The following PPIL4 variants were observed in gnomAD, a reference collection of about 807,000 sequenced individuals.
PPIL4 encodes the protein peptidylprolyl isomerase like 4, also known as peptidyl-prolyl cis-trans isomerase-like 4.
A neutral mutation model predicts 69.1 loss-of-function variants in PPIL4; 50 were observed. The observed-to-expected ratio is 0.72, with a 90% CI of 0.58 to 0.92. The LOEUF (loss-of-function observed/expected upper bound fraction) is 0.92, where lower values mean the gene tolerates loss of function less well. Ranked by LOEUF, PPIL4 falls within the 40% of genes least tolerant of loss-of-function variation. PPIL4 has a pLI of 0.00. For missense variants in PPIL4, 480 were observed against 587.9 expected, an observed-to-expected ratio of 0.82 and a Z score of 1.90; for synonymous variants, 193 against 191.6, an observed-to-expected ratio of 1.01 and a Z score of -0.06.
At chr6:149,521,433 TAG>T (rs914985051) in intron 9 of PPIL4, among the ~76,000 whole-genome samples, 3 of 152,200 alleles carry the variant, frequency 2.0e-5, no homozygotes, top group Non-Finnish European at 4.4e-5. Context: ...GCCAGGATTT[TAG>T]AGAGACAGTC....
intron 10 of PPIL4, among the ~76,000 whole-genome samples, chr6:149,520,396 A>C (rs1253094754): frequency 6.6e-5 from 10 of 152,154 alleles, no homozygotes; most frequent in Non-Finnish European, 1.2e-4. Flanking sequence ...CAACTAAAAC[A>C]AACAAAAAAA....
rs1200919281 is a variant in PPIL4, at chr6:149,513,412, A to AAT, written c.1080-1112_1080-1111dup. Among the ~76,000 whole-genome samples the AAT allele has an allele frequency of 7.9e-3, 439 of 55,288 alleles. 5 individuals carry two copies. Among genetic ancestry groups the AAT allele is most frequent in the African/African-American group, 0.015 (191 of 13,136 alleles). The allele number at this position is 55,288 out of a possible 152,430, so 36.3% of individuals were successfully genotyped here. On this transcript the variant is annotated intron_variant, in intron 11 of 12. Transcript: ENST00000253329. ...AAAAAAAAAAAAAAAAAAAAAAAAA[A>AAT]ATATATATATATATATATATATATA...
chr6:149,521,257 G>A, intron 9 of PPIL4, 86 bp from the exon 10 acceptor site: 1 of 834,000 alleles, frequency 1.2e-6, no homozygotes, highest in Non-Finnish European at 2.0e-6. Context: ...AAAGTTTGTT[G>A]TTACAAAAAT....
chr6:149,527,004 G>A (rs1777117623), intron 7 of PPIL4, among the ~76,000 whole-genome samples: 1 of 152,198 alleles, frequency 6.6e-6, no homozygotes, highest in Non-Finnish European at 1.5e-5. Context: ...TGTGAACAGT[G>A]CTTGGAGCTT....
Position 149,535,710 on chromosome 6 carries a change from T to C in PPIL4, c.350A>G (p.Asp117Gly), listed in dbSNP as rs1777266071. 6.2e-7 allele frequency: 1 copy of C among 1,608,108 alleles called. No individual in the cohort carries two copies. Among genetic ancestry groups the C allele is most frequent in the Non-Finnish European group, 8.5e-7 (1 of 1,175,898 alleles). ...QFLITTGENL[D>G]YLDGVHTVFG... Reference sequence around the variant, plus strand: ...CACCGTATGGACACCATCAAGATAATCTAGATTTTCTCCTGTGGTGATAAG... The same window carrying C: ...CACCGTATGGACACCATCAAGATAACCTAGATTTTCTCCTGTGGTGATAAG... The change falls in exon 5 of 13, where the codon GAT (aspartate) becomes GGT (glycine). Residue 117 changes from aspartate (D) to glycine (G), a missense_variant. Physicochemically the swap from Asp to Gly is moderately conservative, Grantham distance 94. Transcript: ENST00000253329.
chr6:149,536,396 A>C (rs986854837), intron 4 of PPIL4, among the ~76,000 whole-genome samples: 1 of 152,264 alleles, frequency 6.6e-6, no homozygotes, highest in African/African-American at 2.4e-5. Flanking sequence ...GTTGAAAGCC[A>C]AGATAAGCGG....
chr6:149,522,522 CA>C (rs1389258303), intron 9 of PPIL4, among the ~76,000 whole-genome samples: 1 of 152,140 alleles, frequency 6.6e-6, no homozygotes, highest in African/African-American at 2.4e-5. Context: ...CGATTTATAA[CA>C]AAAGTGGTAC....
chr6:149,515,946 T>TA (rs747254936), intron 11 of PPIL4, among the ~76,000 whole-genome samples: 44 of 152,200 alleles, frequency 2.9e-4, no homozygotes, highest in Non-Finnish European at 5.4e-4. Flanking sequence ...GCCCATAAAG[T>TA]AGATGCCACC....
chr6:149,523,266 AAC>A, intron 9 of PPIL4, among the ~76,000 whole-genome samples: 1 of 152,206 alleles, frequency 6.6e-6, no homozygotes, highest in Middle Eastern at 3.4e-3. Context: ...CAGCCTGGGC[AAC>A]ACAGAGTGAT....
chr6:149,526,844 C>T, intron 7 of PPIL4, 68 bp from the exon 8 acceptor site: 1 of 1,431,318 alleles, frequency 7.0e-7, no homozygotes, highest in South Asian at 1.2e-5. Context: ...CCTATCCAAT[C>T]CCACAATGCT....
At chr6:149,512,096 C>A in intron 12 of PPIL4, 59 bp downstream of exon 12, 1 of 1,353,720 alleles carries the variant, frequency 7.4e-7, no homozygotes, top group South Asian at 1.4e-5. Flanking sequence ...ACTAAGACAT[C>A]ATTTACAGAG....
chr6:149,518,936 G>C (rs921728042), intron 10 of PPIL4, among the ~76,000 whole-genome samples: 33 of 152,166 alleles, frequency 2.2e-4, no homozygotes, highest in African/African-American at 7.2e-4. Context: ...AAAGTTCTTA[G>C]TGCTGTGAAT....
At chr6:149,523,274 G>A (rs568815051) in intron 9 of PPIL4, among the ~76,000 whole-genome samples, 34 of 151,844 alleles carry the variant, frequency 2.2e-4, no homozygotes, top group African/African-American at 8.0e-4. Context: ...GCAACACAGA[G>A]TGATCCTGTC....
chr6:149,522,963 A>C (rs1314065881), intron 9 of PPIL4, among the ~76,000 whole-genome samples: 1 of 152,198 alleles, frequency 6.6e-6, no homozygotes, highest in Non-Finnish European at 1.5e-5. Context: ...AATGTATGAA[A>C]AACGAAACAA....
At chr6:149,520,885 T>C (rs1777019935) in intron 10 of PPIL4, among the ~76,000 whole-genome samples, 175 bp downstream of exon 10, 1 of 151,938 alleles carries the variant, frequency 6.6e-6, no homozygotes, top group Non-Finnish European at 1.5e-5. Context: ...TGGTGGCACA[T>C]GCTTGTAATC....
chr6:149,524,132 G>A (rs981682290), intron 9 of PPIL4, among the ~76,000 whole-genome samples: 17 of 152,318 alleles, frequency 1.1e-4, no homozygotes, highest in Middle Eastern at 3.4e-3. Flanking sequence ...CCATAGCACA[G>A]TGTAAACTCA....
chr6:149,533,956 G>T (rs1379679179), intron 6 of PPIL4, among the ~76,000 whole-genome samples: 3 of 152,008 alleles, frequency 2.0e-5, no homozygotes, highest in Non-Finnish European at 4.4e-5. Flanking sequence ...AGGAGTTCGA[G>T]ACCAGCCTGG....
chr6:149,521,620 T>C (rs1209196603), intron 9 of PPIL4, among the ~76,000 whole-genome samples: 2 of 152,218 alleles, frequency 1.3e-5, no homozygotes. Flanking sequence ...CCTTTTTTTA[T>C]CCACTTAGTA....
chr6:149,520,293 T>C (rs1310003253), intron 10 of PPIL4, among the ~76,000 whole-genome samples: 1 of 152,150 alleles, frequency 6.6e-6, no homozygotes, highest in African/African-American at 2.4e-5. Context: ...TGATAATGGT[T>C]ACCCTGGAAG....
Sources: gnomAD v4.1 joint callset for allele counts (sites outside exome capture counted in the v4.1 genomes callset) on GRCh38, gnomAD v4.1.1 for gene constraint, MANE v1.5 for transcripts, NCBI Gene and HGNC (gene_info 2026-07-23, HGNC 2026-07-21) for gene names.